The following KRT28 variants were observed in gnomAD, a reference collection of about 807,000 sequenced individuals.
KRT28 encodes the protein keratin 28.
In KRT28, 45 loss-of-function variants were observed where a neutral mutation model predicts 48.1. The ratio of observed to expected loss-of-function variants is 0.94; its 90% CI spans 0.74 to 1.20. The LOEUF (loss-of-function observed/expected upper bound fraction) is 1.20, where lower values mean the gene tolerates loss of function less well. Ranked by LOEUF, KRT28 falls within the 50% of genes most tolerant of loss-of-function variation. The pLI is 0.00. For missense variants in KRT28, 571 were observed against 574.1 expected, an observed-to-expected ratio of 0.99 and a Z score of 0.06; for synonymous variants, 228 against 227.4, an observed-to-expected ratio of 1.00 and a Z score of -0.03.
At chr17:40,799,020 GA>G in intron 1 of KRT28, 21 bp from the exon 2 acceptor site, 1 of 1,380,634 alleles carries the variant, frequency 7.2e-7, no homozygotes, top group Non-Finnish European at 1.0e-6. Flanking sequence ...CCAAAACAGA[GA>G]ACACAACAAG....
At chr17:40,792,668 A>G in intron 7 of KRT28, 99 bp from the exon 8 acceptor site, 1 of 835,870 alleles carries the variant, frequency 1.2e-6, no homozygotes, top group Non-Finnish European at 1.8e-6. Flanking sequence ...TTTTTGATTG[A>G]GGGAGTAAGT....
chr17:40,798,556 G>C (rs1249827536), intron 2 of KRT28, among the ~76,000 whole-genome samples, 165 bp from the exon 3 acceptor site: 1 of 152,182 alleles, frequency 6.6e-6, no homozygotes, highest in Non-Finnish European at 1.5e-5. Flanking sequence ...ACTCAATTCT[G>C]TACAGGATAA....
In KRT28 at chr17:40,797,231, C is replaced by A. The variant is rs1208656763; in HGVS notation, c.741G>T (p.Met247Ile). The A allele has an allele frequency of 6.2e-7, 1 of 1,614,186 alleles. No individual in the cohort carries two copies. Among genetic ancestry groups the A allele is most frequent in the East Asian group, 2.2e-5 (1 of 44,878 alleles). Residue 247 changes from methionine to isoleucine, a missense_variant, in exon 4 of 8, where the codon ATG (methionine) becomes ATT (isoleucine). Transcript: ENST00000306658. Reference sequence around the variant, plus strand: ...CGAGGTCTACCCCCGGGGCCGCGTTCATCTCCACGTTCACGTTGCCCCCAG... The same window carrying A: ...CGAGGTCTACCCCCGGGGCCGCGTTAATCTCCACGTTCACGTTGCCCCCAG... ...CAAGGNVNVE[M>I]NAAPGVDLAV...
rs146193469 is a variant in KRT28, at chr17:40,796,990, C to T, written c.904G>A (p.Ala302Thr). Residue 302 changes from alanine to threonine, a missense_variant, in exon 5 of 8, where the codon GCC (alanine) becomes ACC (threonine). By Grantham distance (58) the Ala-to-Thr change is moderately conservative. Transcript: ENST00000306658. ...CTCATCTCGGTGAGCTGGCTCCGGG[C>T]GAAAGTGGCTGCGCCTGAGTCGTGG... ...ISHDSGAATF[A>T]RSQLTEMRRT... 133 of 1,612,594 alleles carry T rather than the reference C, an allele frequency of 8.2e-5. 1 individual carries two copies. In the African/African-American group the frequency reaches 1.6e-3, roughly 19 times the overall value.
chr17:40,799,366 A>G (rs1904694249), intron 1 of KRT28, 78 bp downstream of exon 1: 2 of 1,142,374 alleles, frequency 1.8e-6, no homozygotes, highest in Non-Finnish European at 1.2e-6. Flanking sequence ...GTCATGAAGC[A>G]TTTCTTATTG....
chr17:40,796,991 G>T lies in KRT28; in HGVS notation c.903C>A (p.Phe301Leu). ...TCATCTCGGTGAGCTGGCTCCGGGC[G>T]AAAGTGGCTGCGCCTGAGTCGTGGG... ...QISHDSGAAT[F>L]ARSQLTEMRR... Residue 301 changes from phenylalanine (F) to leucine (L), a missense_variant, in exon 5 of 8, where the codon TTC becomes TTA. Physicochemically the swap from Phe to Leu is conservative, Grantham distance 22. Coordinates refer to ENST00000306658, the MANE Select transcript of KRT28 (RefSeq NM_181535.3). The T allele has an allele frequency of 6.2e-7, 1 of 1,613,042 alleles. No homozygotes were observed. The highest frequency in any genetic ancestry group is 1.3e-5 in the African/African-American group (1 of 75,004).
In KRT28 at chr17:40,799,888, A is replaced by G. The variant is rs1380942687; in HGVS notation, c.6T>C (p.Ser2=). The change falls in exon 1 of 8, where the codon TCT becomes TCC. Residue 2 remains serine, a synonymous_variant. Transcript: ENST00000306658. Reference sequence around the variant, plus strand: ...GCCTGGATCCATTAGAAAATTGGAGAGACATGGTGTTTTGAGAAATGTTCA... The same window carrying G: ...GCCTGGATCCATTAGAAAATTGGAGGGACATGGTGTTTTGAGAAATGTTCA... M[S]LQFSNGSRHV... is the part of the protein sequence containing the mutation. 6.2e-7 allele frequency: 1 copy of G among 1,608,324 alleles called. No homozygotes were observed. Among genetic ancestry groups the G allele is most frequent in the South Asian group, 1.1e-5 (1 of 91,058 alleles).
intron 3 of KRT28, 61 bp downstream of exon 3, chr17:40,798,174 C>T: frequency 6.7e-7 from 1 of 1,502,746 alleles, no homozygotes; most frequent in South Asian, 1.2e-5. Flanking sequence ...AACCCCCAAC[C>T]CCTGCCCAGT....
Position 40,799,951 on chromosome 17 carries a change from G to C in KRT28, c.-58C>G. ...AAAACTGTAATGTCCCAAGAGAACA[G>C]AATATCATGCACTGATAATTTCTTT... On this transcript the variant is annotated 5_prime_UTR_variant, in exon 1 of 8. Coordinates refer to ENST00000306658, the MANE Select transcript of KRT28 (RefSeq NM_181535.3). 7.6e-7 allele frequency: 1 copy of C among 1,317,908 alleles called. No homozygotes were observed. Among genetic ancestry groups the C allele is most frequent in the Non-Finnish European group, 1.1e-6 (1 of 936,306 alleles). 81.6% of individuals were successfully genotyped at this position (1,317,908 alleles called of 1,614,324 possible).
chr17:40,794,522 G>A (rs1904569378), intron 5 of KRT28, among the ~76,000 whole-genome samples: 1 of 151,636 alleles, frequency 6.6e-6, no homozygotes, highest in Non-Finnish European at 1.5e-5. Context: ...ATCCATCCTT[G>A]ATTTTCTAGC....
rs1441328654 is a variant in KRT28 at position 40,792,522 on chromosome 17, G to T, written c.1300C>A (p.Gln434Lys). Residue 434 changes from glutamine (Q) to lysine (K), a missense_variant, in exon 8 of 8, where the codon CAA (glutamine) becomes AAA (lysine). Coordinates refer to ENST00000306658, the MANE Select transcript of KRT28 (RefSeq NM_181535.3). Reference sequence around the variant, plus strand: ...CTTGATGAAAGAACTTTACCACGTTGATCTAGCTCTTCAACCACTGTCTTT... The same window carrying T: ...CTTGATGAAAGAACTTTACCACGTTTATCTAGCTCTTCAACCACTGTCTTT... The part of the protein sequence containing the change: ...LVKTVVEELD[Q>K]RGKVLSSRIH... The T allele has an allele frequency of 3.7e-6, 6 of 1,613,138 alleles. No individual in the cohort carries two copies. Among genetic ancestry groups the T allele is most frequent in the Non-Finnish European group, 5.1e-6 (6 of 1,179,556 alleles).
chr17:40,796,477 A>G (rs1235131636), intron 5 of KRT28, among the ~76,000 whole-genome samples: 1 of 152,148 alleles, frequency 6.6e-6, no homozygotes, highest in African/African-American at 2.4e-5. Context: ...CTGCCTGGTG[A>G]AACCACATGT....
intron 2 of KRT28, 57 bp downstream of exon 2, chr17:40,798,860 A>T: frequency 8.8e-7 from 1 of 1,130,786 alleles, no homozygotes; most frequent in Non-Finnish European, 1.3e-6. Context: ...AATTTTATTT[A>T]ACAAATTAAA....
rs1481613860 is a variant in KRT28 at position 40,792,617 on chromosome 17, T to G, written c.1253-48A>C. On this transcript the variant is annotated intron_variant, in intron 7 of 7. Transcript: ENST00000306658. The stretch of plus-strand genomic sequence containing the variant: ...CATATATTCAACCAAAAAGATTACA[T>G]GACAATTCCACTGCTAGTTCAATAT... The G allele has an allele frequency of 5.0e-6, 7 of 1,410,676 alleles. No homozygotes were observed. In the South Asian group the frequency reaches 8.8e-5, roughly 18 times the overall value. 87.4% of individuals were successfully genotyped at this position (1,410,676 alleles called of 1,614,324 possible).
intron 5 of KRT28, among the ~76,000 whole-genome samples, chr17:40,796,243 C>T (rs996347119): frequency 6.6e-5 from 10 of 152,142 alleles, no homozygotes; most frequent in Non-Finnish European, 1.3e-4. Flanking sequence ...AAAGTCAAGC[C>T]TTTTGGGCAC....
rs1225791444 is a variant in KRT28 at position 40,792,402 on chromosome 17, A to G, written c.*25T>C. 6.3e-7 allele frequency: 1 copy of G among 1,595,356 alleles called. No homozygotes were observed. The highest frequency in any genetic ancestry group is 1.1e-5 in the South Asian group (1 of 88,234). The stretch of plus-strand genomic sequence containing the variant: ...GCAATTGTACAGGATCCTTTCCCAA[A>G]TTATTCTTTTCTCTAAAATGACAGC... On this transcript the variant is annotated 3_prime_UTR_variant, in exon 8 of 8. Transcript: ENST00000306658.
chr17:40,798,335 C>T lies in KRT28; in HGVS notation c.590G>A (p.Arg197Gln), dbSNP rs150367693. ...GAGCGTCAGCTCGTCCAGGACTCGCCGTAATCCGTTGATGTCGGCCTCTAC... is the reference window on the plus strand; with the variant it reads ...GAGCGTCAGCTCGTCCAGGACTCGCTGTAATCCGTTGATGTCGGCCTCTAC... ...QNVEADINGLRRVLDELTLCR... is the reference protein window; with the variant it reads ...QNVEADINGLQRVLDELTLCR... The change falls in exon 3 of 8, where the codon CGG (arginine) becomes CAG (glutamine). Residue 197 changes from arginine to glutamine, a missense_variant. Coordinates refer to ENST00000306658, the MANE Select transcript of KRT28 (RefSeq NM_181535.3). 7.3e-5 allele frequency: 117 copies of T among 1,613,162 alleles called. 1 individual carries two copies. In the East Asian group the frequency reaches 2.0e-3, roughly 27 times the overall value.
rs145883033 is a variant in KRT28, at chr17:40,796,381, C to T, written c.978+535G>A. Among the ~76,000 whole-genome samples, 199 of 152,316 alleles carry T rather than the reference C, an allele frequency of 1.3e-3. 2 individuals are homozygous for T. Among genetic ancestry groups the T allele is most frequent in the Middle Eastern group, 0.01 (3 of 294 alleles). On this transcript the variant is annotated intron_variant, in intron 5 of 7. Coordinates refer to ENST00000306658, the MANE Select transcript of KRT28 (RefSeq NM_181535.3). ...AGGCCTGGCTCCCAGGTGTGCCCTC[C>T]GGGATTTGACCTCTGCCCTGGACTC...
At position 40,794,136 on chromosome 17, in the gene KRT28, C is replaced by T. The variant is rs1156407884; in HGVS notation, c.979-90G>A. ...TCTCAGTAATCAGCAGGATTGCTCC[C>T]TGGGCAATTGTGGAAATTTGTGAGG... On this transcript the variant is annotated intron_variant, in intron 5 of 7. Coordinates refer to ENST00000306658, the MANE Select transcript of KRT28 (RefSeq NM_181535.3). The T allele has an allele frequency of 7.5e-6, 11 of 1,471,498 alleles. No individual in the cohort carries two copies. In the African/African-American group the frequency reaches 1.1e-4, roughly 15 times the overall value. 91.2% of individuals were successfully genotyped at this position (1,471,498 alleles called of 1,614,324 possible).
Sources: allele counts gnomAD v4.1 joint callset (sites outside exome capture counted in the v4.1 genomes callset), GRCh38; gene constraint gnomAD v4.1.1; transcripts MANE v1.5; gene names NCBI Gene and HGNC (gene_info 2026-07-23, HGNC 2026-07-21).